The following FRMD5 variants were observed in gnomAD, a reference collection of about 807,000 sequenced individuals.
The protein encoded by FRMD5 is FERM domain containing 5.
A neutral mutation model predicts 69.0 loss-of-function variants in FRMD5; 20 were observed. That is an observed-to-expected ratio of 0.29 (90% CI 0.20 to 0.42). The LOEUF is 0.42. Ranked by LOEUF, FRMD5 falls within the 10% of genes least tolerant of loss-of-function variation. The probability of loss-of-function intolerance (pLI) is 1.00; values close to 1 mark genes in which losing one functional copy is unlikely to be tolerated. For missense variants in FRMD5, 595 were observed against 708.6 expected (o/e 0.84, Z 1.82); for synonymous variants, 271 against 260.1 (o/e 1.04, Z -0.40).
rs143553576 is a variant in FRMD5, at chr15:44,166,561, G to A, written c.102+28392C>T. Among the ~76,000 whole-genome samples the A allele has an allele frequency of 3.9e-3, 598 of 152,064 alleles. 5 individuals carry two copies. The highest frequency in any genetic ancestry group is 0.013 in the African/African-American group (559 of 41,490). On this transcript the variant is annotated intron_variant, in intron 1 of 13. Coordinates refer to ENST00000417257, the MANE Select transcript of FRMD5 (RefSeq NM_032892.5). ...GCAATTTGGGAGGCTGAGGATGGTGGATCACTTGAGGTCAGGAGTTCAAGA... is the reference window on the plus strand; with the variant it reads ...GCAATTTGGGAGGCTGAGGATGGTGAATCACTTGAGGTCAGGAGTTCAAGA...
intron 1 of FRMD5, among the ~76,000 whole-genome samples, chr15:43,931,108 C>T (rs1343860910): frequency 1.3e-5 from 2 of 152,166 alleles, no homozygotes; most frequent in Admixed American, 6.5e-5. Context: ...AAAAGAAAAA[C>T]AGAGCCAGGT....
intron 1 of FRMD5, among the ~76,000 whole-genome samples, chr15:44,082,845 C>A (rs1894050795): frequency 6.6e-6 from 1 of 151,964 alleles, no homozygotes; most frequent in African/African-American, 2.4e-5. Context: ...CTCCTTGGAA[C>A]AAGCATAATT....
At chr15:43,888,940 TGCACA>T in intron 8 of FRMD5, 68 bp from the exon 9 acceptor site, 1 of 1,377,246 alleles carries the variant, frequency 7.3e-7, no homozygotes, top group Non-Finnish European at 1.0e-6. Flanking sequence ...ATCTTGTAGA[TGCACA>T]GCCCACCCCA....
At chr15:43,888,777 C>A in intron 9 of FRMD5, 32 bp downstream of exon 9, 1 of 1,581,064 alleles carries the variant, frequency 6.3e-7, no homozygotes, top group Non-Finnish European at 8.7e-7. Context: ...ATCACCCCAG[C>A]CCTCCTTGAA....
chr15:43,969,492 A>G (rs1430230611), intron 1 of FRMD5, among the ~76,000 whole-genome samples: 2 of 152,198 alleles, frequency 1.3e-5, no homozygotes, highest in Non-Finnish European at 1.5e-5. Flanking sequence ...GCCCAGTTCT[A>G]TGTGTGCTTC....
chr15:43,933,381 T>G (rs1347699026), intron 1 of FRMD5, among the ~76,000 whole-genome samples: 2 of 152,198 alleles, frequency 1.3e-5, no homozygotes, highest in Non-Finnish European at 2.9e-5. Context: ...CAGAATCACC[T>G]GGAGGGCTTG....
At position 43,934,451 on chromosome 15, in the gene FRMD5, G is replaced by GT. The variant is rs374355593; in HGVS notation, c.103-10143dup. On this transcript the variant is annotated intron_variant, in intron 1 of 13. Transcript: ENST00000417257. ...ATCTTCTAAACAAGGATTTAAAACA[G>GT]TTTTTTTTTCTTTAAAAAGGATAAT... is the stretch of plus-strand genomic sequence containing the variant. 1.9e-3 allele frequency among the ~76,000 whole-genome samples: 285 copies of GT among 151,454 alleles called. 3 individuals are homozygous for GT. The highest frequency in any genetic ancestry group is 6.6e-3 in the African/African-American group (272 of 41,316).
intron 9 of FRMD5, 144 bp downstream of exon 9, chr15:43,888,665 T>C (rs375861418): frequency 3.6e-5 from 25 of 689,764 alleles, no homozygotes; most frequent in African/African-American, 3.2e-4. Flanking sequence ...CGCTCCTTCA[T>C]ATTGTACCTC....
intron 1 of FRMD5, among the ~76,000 whole-genome samples, chr15:44,031,764 C>G (rs1891695182): frequency 6.6e-6 from 1 of 152,114 alleles, no homozygotes; most frequent in South Asian, 2.1e-4. Flanking sequence ...TGATATTCCC[C>G]AATCATCTTA....
At chr15:43,908,988 G>A (rs1045088131) in intron 5 of FRMD5, among the ~76,000 whole-genome samples, 6 of 152,138 alleles carry the variant, frequency 3.9e-5, no homozygotes, top group Non-Finnish European at 8.8e-5. Context: ...CAGGGGCCCA[G>A]GACAAATCCC....
At chr15:43,946,861 A>G (rs1335619416) in intron 1 of FRMD5, among the ~76,000 whole-genome samples, 1 of 152,198 alleles carries the variant, frequency 6.6e-6, no homozygotes, top group Non-Finnish European at 1.5e-5. Context: ...CTGAATGATG[A>G]CCTGGTTAAT....
chr15:43,952,141 G>C (rs376270597), intron 1 of FRMD5, among the ~76,000 whole-genome samples: 1 of 151,950 alleles, frequency 6.6e-6, no homozygotes, highest in African/African-American at 2.4e-5. Flanking sequence ...GATCTGCTCA[G>C]CACAGCGAGC....
At chr15:43,976,125 A>C (rs898493149) in intron 1 of FRMD5, among the ~76,000 whole-genome samples, 5 of 152,034 alleles carry the variant, frequency 3.3e-5, no homozygotes, top group Non-Finnish European at 5.9e-5. Context: ...TAAAAAAAAA[A>C]AAACTTAAAG....
At chr15:44,191,121 T>C (rs1235619525) in intron 1 of FRMD5, among the ~76,000 whole-genome samples, 1 of 152,216 alleles carries the variant, frequency 6.6e-6, no homozygotes. Context: ...TTTTAATATG[T>C]CTCTCAGTAA....
At chr15:44,105,183 C>G (rs1465957312) in intron 1 of FRMD5, among the ~76,000 whole-genome samples, 1 of 150,308 alleles carries the variant, frequency 6.7e-6, no homozygotes, top group Non-Finnish European at 1.5e-5. Context: ...CTCAAGTGAT[C>G]TTCTCACCTC....
intron 1 of FRMD5, among the ~76,000 whole-genome samples, chr15:44,112,569 C>G (rs1158123792): frequency 6.6e-6 from 1 of 151,854 alleles, no homozygotes; most frequent in African/African-American, 2.4e-5. Context: ...CGGGTTCATG[C>G]CATTCTCCTG....
At chr15:43,874,501 A>G (rs1489544935) in intron 13 of FRMD5, 39 bp from the exon 14 acceptor site, 12 of 1,518,810 alleles carry the variant, frequency 7.9e-6, no homozygotes, top group South Asian at 2.3e-5. Context: ...CTGTGTCCCA[A>G]TGCACCCTTT....
chr15:44,051,551 A>G (rs1206207865), intron 1 of FRMD5, among the ~76,000 whole-genome samples: 1 of 151,940 alleles, frequency 6.6e-6, no homozygotes, highest in Non-Finnish European at 1.5e-5. Context: ...ACAATAACCA[A>G]TATTATTATT....
intron 1 of FRMD5, among the ~76,000 whole-genome samples, chr15:44,100,316 C>T (rs1175564107): frequency 6.6e-6 from 1 of 151,876 alleles, no homozygotes; most frequent in Non-Finnish European, 1.5e-5. Context: ...CTTGGCCTCC[C>T]GAAGTGCTGG....
Sources: allele counts gnomAD v4.1 joint callset (sites outside exome capture counted in the v4.1 genomes callset), GRCh38; gene constraint gnomAD v4.1.1; transcripts MANE v1.5; gene names NCBI Gene and HGNC (gene_info 2026-07-23, HGNC 2026-07-21).